MTHFD1: variants seen among roughly 807,000 people sequenced by gnomAD.
The protein encoded by MTHFD1 is methylenetetrahydrofolate dehydrogenase, cyclohydrolase and formyltetrahydrofolate synthetase 1.
A neutral mutation model predicts 110.3 loss-of-function variants in MTHFD1; 44 were observed. The ratio of observed to expected loss-of-function variants is 0.40; its 90% CI spans 0.31 to 0.51. MTHFD1 has a LOEUF of 0.51. MTHFD1 is among the 20% of genes least tolerant of loss of function. The pLI is 0.60. For synonymous variants in MTHFD1, 402 were observed against 428.8 expected (o/e 0.94, Z 0.77); for missense variants, 909 against 1,173.1 (o/e 0.77, Z 3.29).
chr14:64,445,869 C>T (rs1348592380), intron 22 of MTHFD1, among the ~76,000 whole-genome samples: 1 of 152,110 alleles, frequency 6.6e-6, no homozygotes, highest in Non-Finnish European at 1.5e-5. Context: ...TTTCATGTGA[C>T]TAGAGGTAAA....
At chr14:64,447,594 G>A (rs55865913) in intron 22 of MTHFD1, among the ~76,000 whole-genome samples, 1,832 of 151,936 alleles carry the variant, frequency 0.012, 40 homozygotes, top group African/African-American at 0.042. Context: ...ACAAGTGTGA[G>A]CCACTGGGCC....
chr14:64,436,103 T>C (rs1379811248), intron 16 of MTHFD1, among the ~76,000 whole-genome samples: 1 of 150,604 alleles, frequency 6.6e-6, no homozygotes, highest in Non-Finnish European at 1.5e-5. Flanking sequence ...TACCTAATCT[T>C]TTTTTTTTTG....
At chr14:64,395,810 T>C (rs1366750760) in intron 1 of MTHFD1, among the ~76,000 whole-genome samples, 1 of 152,136 alleles carries the variant, frequency 6.6e-6, no homozygotes, top group Non-Finnish European at 1.5e-5. Context: ...CAAATGTCAG[T>C]GGTGCTGAGA....
At chr14:64,440,885 C>T in intron 18 of MTHFD1, 1 of 251,542 alleles carries the variant, frequency 4.0e-6, no homozygotes, top group Non-Finnish European at 7.8e-6. Context: ...ATGTGAATGT[C>T]ATTTGTATTC....
chr14:64,411,038 G>T, intron 2 of MTHFD1, 52 bp from the exon 3 acceptor site: 1 of 1,225,356 alleles, frequency 8.2e-7, no homozygotes. Flanking sequence ...AAGCTTTTCT[G>T]TGCACTTTGC....
At chr14:64,450,051 AAGTGCTGG>A (rs555109286) in intron 24 of MTHFD1, among the ~76,000 whole-genome samples, 217 of 152,212 alleles carry the variant, frequency 1.4e-3, no homozygotes, top group African/African-American at 5.0e-3. Context: ...TGGCCTCCCA[AAGTGCTGG>A]AATTACAGGC....
chr14:64,393,166 C>G (rs2093209), intron 1 of MTHFD1, among the ~76,000 whole-genome samples: 139,844 of 152,236 alleles, frequency 0.92, 64,711 homozygotes, highest in Middle Eastern at 0.96. Flanking sequence ...TTGGGAGGCC[C>G]AGGCAGGAGG....
At chr14:64,434,821 G>GTTT (rs34280342) in intron 15 of MTHFD1, among the ~76,000 whole-genome samples, 6 of 129,000 alleles carry the variant, frequency 4.7e-5, no homozygotes, top group Non-Finnish European at 8.4e-5. Context: ...GATGAATTCT[G>GTTT]TTTTTTTTTT....
chr14:64,447,380 T>C (rs1052032545), intron 22 of MTHFD1, among the ~76,000 whole-genome samples: 6 of 151,670 alleles, frequency 4.0e-5, no homozygotes, highest in Non-Finnish European at 7.4e-5. Context: ...AGTCTTAATC[T>C]CTTGACCTTG....
At chr14:64,429,065 A>G (rs182029409) in intron 12 of MTHFD1, among the ~76,000 whole-genome samples, 238 of 151,314 alleles carry the variant, frequency 1.6e-3, no homozygotes, top group Non-Finnish European at 2.4e-3. Context: ...GCAGTGGCTC[A>G]TGCCTAAAAT....
At chr14:64,388,773 G>GC in intron 1 of MTHFD1, 1 of 559,162 alleles carries the variant, frequency 1.8e-6, no homozygotes, top group Non-Finnish European at 3.2e-6. Context: ...GCTTCCTGGA[G>GC]CCCCCCTAGT....
intron 7 of MTHFD1, chr14:64,419,386 G>A: frequency 3.6e-6 from 1 of 275,800 alleles, no homozygotes; most frequent in East Asian, 8.9e-5. Context: ...ACACACACAC[G>A]TGCCTGTTGA....
chr14:64,455,147 C>T (rs1415246259), intron 26 of MTHFD1: 1 of 438,412 alleles, frequency 2.3e-6, no homozygotes, highest in Non-Finnish European at 4.2e-6. Context: ...ATGCTCTTCA[C>T]TGAATCTAGG....
intron 23 of MTHFD1, among the ~76,000 whole-genome samples, chr14:64,448,802 C>CTT (rs34868771): frequency 9.4e-4 from 137 of 145,504 alleles, no homozygotes; most frequent in East Asian, 3.4e-3. Flanking sequence ...AGCAAAAAAT[C>CTT]TTTTTTTTTT....
At position 64,442,432 on chromosome 14, in the gene MTHFD1, C is replaced by T. The variant is rs147788209; in HGVS notation, c.2136+30C>T. 106 of 1,611,848 alleles carry T rather than the reference C, an allele frequency of 6.6e-5. No individual in the cohort carries two copies. The African/African-American group carries it at 9.1e-4, about 14-fold the overall frequency. On this transcript the variant is annotated intron_variant, in intron 21 of 27. Coordinates refer to ENST00000652337, the MANE Select transcript of MTHFD1 (RefSeq NM_005956.4). Reference sequence around the variant, plus strand: ...GTGGTGGGTTGAAGTATCTGATTATCGGCAGTGTGCTGACGGCCAAAAGGA... The same window carrying T: ...GTGGTGGGTTGAAGTATCTGATTATTGGCAGTGTGCTGACGGCCAAAAGGA...
intron 1 of MTHFD1, among the ~76,000 whole-genome samples, chr14:64,399,656 C>CAAAAAAAAA (rs34735594): frequency 8.8e-6 from 1 of 113,188 alleles, no homozygotes. Context: ...GTCCCCATCT[C>CAAAAAAAAA]AAAAAAAAAA....
At chr14:64,431,260 T>G (rs1376009948) in intron 13 of MTHFD1, among the ~76,000 whole-genome samples, 2 of 151,784 alleles carry the variant, frequency 1.3e-5, no homozygotes, top group Non-Finnish European at 2.9e-5. Context: ...GAGATGGGGT[T>G]TCGCCATGTT....
intron 15 of MTHFD1, among the ~76,000 whole-genome samples, 156 bp downstream of exon 15, chr14:64,432,017 G>A (rs765336691): frequency 8.9e-4 from 135 of 152,142 alleles, no homozygotes; most frequent in Non-Finnish European, 2.5e-4. Context: ...AAAGATGGAT[G>A]GTAGAGGTTA....
At chr14:64,422,703 G>C (rs1434381665) in intron 8 of MTHFD1, among the ~76,000 whole-genome samples, 3 of 152,074 alleles carry the variant, frequency 2.0e-5, no homozygotes, top group Non-Finnish European at 4.4e-5. Context: ...GAAGAGTCAG[G>C]GCTCAGCTGG....
Sources: allele counts gnomAD v4.1 joint callset (sites outside exome capture counted in the v4.1 genomes callset), GRCh38; gene constraint gnomAD v4.1.1; transcripts MANE v1.5; gene names NCBI Gene and HGNC (gene_info 2026-07-23, HGNC 2026-07-21).